The following TSHZ2 variants were observed in gnomAD, a reference collection of about 807,000 sequenced individuals.
TSHZ2 encodes teashirt homolog 2.
In TSHZ2, 21 loss-of-function variants were observed where a neutral mutation model predicts 74.4. That is an observed-to-expected ratio of 0.28 (90% confidence interval 0.20 to 0.41). TSHZ2 has a LOEUF of 0.41. Ranked by LOEUF, TSHZ2 falls within the 10% of genes least tolerant of loss-of-function variation. The pLI, the probability that TSHZ2 is intolerant of heterozygous loss-of-function variation, is 1.00. For missense variants in TSHZ2, 1,244 were observed against 1,293.5 expected (o/e 0.96, Z 0.59); for synonymous variants, 540 against 515.3 (o/e 1.05, Z -0.65).
At chr20:53,067,887 A>G (rs564616212) in intron 1 of TSHZ2, among the ~76,000 whole-genome samples, 9 of 152,326 alleles carry the variant, frequency 5.9e-5, no homozygotes, top group African/African-American at 1.7e-4. Context: ...AGGTGTTGGC[A>G]TGGCATTGCT....
chr20:53,203,714 A>C (rs1989068020), intron 1 of TSHZ2, among the ~76,000 whole-genome samples: 1 of 152,134 alleles, frequency 6.6e-6, no homozygotes, highest in Non-Finnish European at 1.5e-5. Context: ...GAAACCAGGA[A>C]AATAAATTTT....
chr20:53,046,986 G>A (rs1374240836), intron 1 of TSHZ2, among the ~76,000 whole-genome samples: 1 of 152,086 alleles, frequency 6.6e-6, no homozygotes, highest in African/African-American at 2.4e-5. Flanking sequence ...GGCTATTCAT[G>A]TTTGAATGAA....
chr20:53,436,472 C>T (rs886164323), intron 2 of TSHZ2, among the ~76,000 whole-genome samples: 2 of 151,316 alleles, frequency 1.3e-5, no homozygotes, highest in African/African-American at 4.9e-5. Context: ...CCGTGGACGA[C>T]GTACCTAGAC....
At chr20:53,149,114 AGTCT>A (rs1157959997) in intron 1 of TSHZ2, among the ~76,000 whole-genome samples, 4 of 151,588 alleles carry the variant, frequency 2.6e-5, no homozygotes, top group East Asian at 1.9e-4. Flanking sequence ...TCTCTCTTCC[AGTCT>A]GTCTGTTAGG....
intron 1 of TSHZ2, chr20:53,168,769 A>T (rs902653644): frequency 3.9e-5 from 6 of 152,154 alleles, no homozygotes; most frequent in Non-Finnish European, 7.4e-5. Context: ...AAAACCATTG[A>T]AGGTGTGAAT....
intron 1 of TSHZ2, among the ~76,000 whole-genome samples, chr20:53,102,215 C>G (rs2123295558): frequency 6.7e-6 from 1 of 149,348 alleles, no homozygotes; most frequent in Admixed American, 6.6e-5. Context: ...GAAACATCAT[C>G]AGATTTCCCC....
In TSHZ2 at chr20:53,023,181, A is replaced by AT. The variant is rs1369570778; in HGVS notation, c.40+49854dup. On this transcript the variant is annotated intron_variant, in intron 1 of 2. Transcript: ENST00000371497. ...GTCTTGCTGGTTGAAGCATTGCTACATTTTTTGGGTGTATTGTTTCACCTT... is the reference window on the plus strand; with the variant it reads ...GTCTTGCTGGTTGAAGCATTGCTACATTTTTTTGGGTGTATTGTTTCACCTT... Among the ~76,000 whole-genome samples the AT allele has an allele frequency of 5.9e-5, 9 of 152,250 alleles. No individual in the cohort carries two copies. In the East Asian group the frequency reaches 1.7e-3, roughly 29 times the overall value.
intron 2 of TSHZ2, among the ~76,000 whole-genome samples, chr20:53,379,288 G>A (rs1446315419): frequency 6.6e-6 from 1 of 152,194 alleles, no homozygotes; most frequent in African/African-American, 2.4e-5. Context: ...AGGCTGAGGT[G>A]GGAGGATCAC....
intron 1 of TSHZ2, among the ~76,000 whole-genome samples, chr20:53,156,134 A>G (rs1045979158): frequency 6.6e-6 from 1 of 152,160 alleles, no homozygotes; most frequent in Admixed American, 6.5e-5. Context: ...AGCCAGACCC[A>G]CGTATCCTTT....
chr20:53,334,661 G>A lies in TSHZ2; in HGVS notation c.*8+78090G>A, dbSNP rs186279075. Among the ~76,000 whole-genome samples, 808 of 152,166 alleles carry A rather than the reference G, an allele frequency of 5.3e-3. 5 individuals are homozygous for A. The highest frequency in any genetic ancestry group is 8.8e-3 in the Non-Finnish European group (598 of 67,978). On this transcript the variant is annotated intron_variant, in intron 2 of 2. Transcript: ENST00000371497. Reference sequence around the variant, plus strand: ...TAAGTGAAATGGATTTTGAACAGAGGAGTGACGTGGATTTACTTTTTTTTT... The same window carrying A: ...TAAGTGAAATGGATTTTGAACAGAGAAGTGACGTGGATTTACTTTTTTTTT...
intron 1 of TSHZ2, among the ~76,000 whole-genome samples, chr20:53,107,409 A>G (rs1407184353): frequency 6.6e-6 from 1 of 152,170 alleles, no homozygotes; most frequent in Non-Finnish European, 1.5e-5. Flanking sequence ...ATTTGTGAAA[A>G]AAGCATCTGT....
chr20:53,435,704 GT>G (rs1282189671), intron 2 of TSHZ2, among the ~76,000 whole-genome samples: 1 of 152,150 alleles, frequency 6.6e-6, no homozygotes, highest in East Asian at 1.9e-4. Context: ...TAGTAGAGAC[GT>G]GGATTCACCA....
intron 2 of TSHZ2, among the ~76,000 whole-genome samples, chr20:53,281,254 A>G (rs1313093311): frequency 1.3e-5 from 2 of 152,206 alleles, no homozygotes; most frequent in African/African-American, 4.8e-5. Context: ...GCTGAGACCT[A>G]AATAATGAGA....
At chr20:53,222,137 T>G (rs1053923517) in intron 1 of TSHZ2, among the ~76,000 whole-genome samples, 1 of 152,206 alleles carries the variant, frequency 6.6e-6, no homozygotes, top group Non-Finnish European at 1.5e-5. Context: ...CTTTTTCCTA[T>G]TTCCAGGAAA....
Position 53,051,330 on chromosome 20 carries a change from A to G in TSHZ2, c.40+77997A>G, listed in dbSNP as rs113606001. Among the ~76,000 whole-genome samples the G allele has an allele frequency of 5.0e-4, 76 of 152,028 alleles. No individual in the cohort carries two copies. In the Middle Eastern group the frequency reaches 0.014, roughly 27 times the overall value. ...CTCCAGCCTGGGTGACGGGAGCAAG[A>G]CTGTGTCTCAAAAAAAAGATATTGT... On this transcript the variant is annotated intron_variant, in intron 1 of 2. Coordinates refer to ENST00000371497, the MANE Select transcript of TSHZ2 (RefSeq NM_173485.6).
chr20:53,175,110 T>C lies in TSHZ2; in HGVS notation c.41-78389T>C, dbSNP rs368824061. ...TAGCTCCCTGGGCTTTTTCTTCTCCTTCTCCTCCTTCTTCTTCTTTCTTTT... is the reference window on the plus strand; with the variant it reads ...TAGCTCCCTGGGCTTTTTCTTCTCCCTCTCCTCCTTCTTCTTCTTTCTTTT... On this transcript the variant is annotated intron_variant, in intron 1 of 2. Transcript: ENST00000371497. 7.7e-4 allele frequency among the ~76,000 whole-genome samples: 116 copies of C among 150,050 alleles called. 3 individuals carry two copies. The South Asian group carries it at 0.024, about 31-fold the overall frequency.
chr20:53,167,135 A>G (rs1988082215), intron 1 of TSHZ2, among the ~76,000 whole-genome samples: 1 of 152,210 alleles, frequency 6.6e-6, no homozygotes. Context: ...TCTTTCTGGA[A>G]AAGAAAGATG....
chr20:53,260,974 G>A (rs574376883), intron 2 of TSHZ2, among the ~76,000 whole-genome samples: 1 of 152,282 alleles, frequency 6.6e-6, no homozygotes, highest in South Asian at 2.1e-4. Flanking sequence ...TATAACTCAG[G>A]CATAATTATT....
chr20:53,306,673 A>G (rs989196551), intron 2 of TSHZ2, among the ~76,000 whole-genome samples: 2 of 152,256 alleles, frequency 1.3e-5, no homozygotes, highest in Non-Finnish European at 2.9e-5. Context: ...AGGCTGCAAA[A>G]CAAGATGTCG....
Sources: allele counts gnomAD v4.1 joint callset (sites outside exome capture counted in the v4.1 genomes callset), GRCh38; gene constraint gnomAD v4.1.1; transcripts MANE v1.5; gene names NCBI Gene and HGNC (gene_info 2026-07-23, HGNC 2026-07-21).